The following SMCHD1 variants were observed in gnomAD, a reference collection of about 807,000 sequenced individuals.
SMCHD1 encodes structural maintenance of chromosomes flexible hinge domain-containing protein 1.
Under a neutral mutation model 254.7 loss-of-function variants are expected in SMCHD1, and 78 were observed. The ratio of observed to expected loss-of-function variants is 0.31; its 90% CI spans 0.26 to 0.37. SMCHD1 has a LOEUF of 0.37. Among genes scored for constraint, SMCHD1 ranks in the 10% least tolerant of loss-of-function variants. SMCHD1 has a pLI of 1.00. For synonymous variants in SMCHD1, 766 were observed against 794.9 expected (o/e 0.96, Z 0.61); for missense variants, 1,840 against 2,408.1 (o/e 0.76, Z 4.94).
In SMCHD1 at chr18:2,703,862, A is replaced by C; in HGVS notation, c.1818A>C (p.Gly606=). 4 of 1,606,088 alleles carry C rather than the reference A, an allele frequency of 2.5e-6. No homozygotes were observed. The highest frequency in any genetic ancestry group is 3.4e-6 in the Non-Finnish European group (4 of 1,177,174). ...WATYAAIEWD[G]KIYKAGQLVK... ...CATATGCAGCAATAGAATGGGATGG[A>C]AAGATATACAAAGCAGGACAGCTGG... is the stretch of plus-strand genomic sequence containing the variant. Residue 606 remains glycine (G), a synonymous_variant, in exon 13 of 48, where the codon GGA becomes GGC. Transcript: ENST00000320876.
chr18:2,665,214 A>G (rs576368723), intron 1 of SMCHD1, among the ~76,000 whole-genome samples: 2 of 152,106 alleles, frequency 1.3e-5, no homozygotes, highest in Admixed American at 1.3e-4. Context: ...TTTACAGTTC[A>G]TGTGTTCATT....
rs746793195 is a variant in SMCHD1, at chr18:2,802,496, A to G, written c.5994-32A>G. The G allele has an allele frequency of 3.2e-6, 5 of 1,541,376 alleles. No homozygotes were observed. In the African/African-American group the frequency reaches 4.1e-5, roughly 13 times the overall value. On this transcript the variant is annotated intron_variant, in intron 47 of 47. Transcript: ENST00000320876. ...TTCAGGGAAAGGAAACCTTTGGTAC[A>G]TAAAACTTTTTTTTCTTTCCCCTTT...
chr18:2,742,512 A>G (rs1252137148), intron 28 of SMCHD1, among the ~76,000 whole-genome samples: 1 of 152,216 alleles, frequency 6.6e-6, no homozygotes, highest in Non-Finnish European at 1.5e-5. Context: ...ACTAAGGAAT[A>G]TCTATTTAAT....
intron 17 of SMCHD1, among the ~76,000 whole-genome samples, chr18:2,714,934 T>C (rs181236694): frequency 9.8e-5 from 15 of 152,356 alleles, no homozygotes; most frequent in African/African-American, 2.9e-4. Context: ...TGCCAGTCTC[T>C]ACTAGCTTAT....
intron 47 of SMCHD1, among the ~76,000 whole-genome samples, chr18:2,800,139 T>C (rs8098671): frequency 0.29 from 43,895 of 151,528 alleles, 6,589 homozygotes; most frequent in East Asian, 0.5. Context: ...ACACTTTGGA[T>C]TCAGAGTCAG....
chr18:2,748,380 G>GTGTGCGTGTGTGTA (rs561439889), intron 30 of SMCHD1, among the ~76,000 whole-genome samples: 1 of 80,278 alleles, frequency 1.2e-5, no homozygotes, highest in African/African-American at 6.9e-5. Flanking sequence ...GTGTGTGTGT[G>GTGTGCGTGTGTGTA]TGTATATAAA....
chr18:2,786,874 G>A (rs1358735354), intron 45 of SMCHD1, among the ~76,000 whole-genome samples: 1 of 152,034 alleles, frequency 6.6e-6, no homozygotes, highest in Non-Finnish European at 1.5e-5. Flanking sequence ...TATATGTCTA[G>A]TTTTGTTCAA....
intron 1 of SMCHD1, among the ~76,000 whole-genome samples, chr18:2,663,583 T>A (rs1262134519): frequency 1.3e-5 from 2 of 152,230 alleles, no homozygotes; most frequent in Non-Finnish European, 2.9e-5. Context: ...ACTAGTTGTC[T>A]TAATATCATT....
intron 45 of SMCHD1, among the ~76,000 whole-genome samples, chr18:2,790,147 A>G (rs1189272960): frequency 6.6e-6 from 1 of 152,206 alleles, no homozygotes; most frequent in Non-Finnish European, 1.5e-5. Flanking sequence ...GCGCCACTGC[A>G]CTCCAGCCTG....
intron 7 of SMCHD1, 23 bp from the exon 8 acceptor site, chr18:2,694,504 T>C (rs539562923): frequency 1.5e-5 from 22 of 1,510,936 alleles, no homozygotes; most frequent in Middle Eastern, 1.8e-4. Context: ...TTTAATCTGT[T>C]GTATTTCTGT....
At position 2,656,053 on chromosome 18, in the gene SMCHD1, T is replaced by C; in HGVS notation, c.-23T>C. 7.5e-7 allele frequency: 1 copy of C among 1,336,172 alleles called. No homozygotes were observed. Among genetic ancestry groups the C allele is most frequent in the South Asian group, 2.1e-5 (1 of 47,212 alleles). 82.8% of individuals were successfully genotyped at this position (1,336,172 alleles called of 1,614,324 possible). On this transcript the variant is annotated 5_prime_UTR_variant, in exon 1 of 48. Transcript: ENST00000320876. The stretch of plus-strand genomic sequence containing the variant: ...TGAGCCCGGCGGCGGCAGGCGTCGC[T>C]GTCTTTTCTCCTTTTCCCCAATATG...
chr18:2,703,661 A>G lies in SMCHD1; in HGVS notation c.1648-31A>G, dbSNP rs76103139. On this transcript the variant is annotated intron_variant, in intron 12 of 47. Coordinates refer to ENST00000320876, the MANE Select transcript of SMCHD1 (RefSeq NM_015295.3). ...TGGTTATATTTGTTTGCTAGTAGCT[A>G]TATTTCATAAAACATTTTAAAATTC... 7,106 of 1,552,120 alleles carry G rather than the reference A, an allele frequency of 4.6e-3. 27 individuals carry two copies. Among genetic ancestry groups the G allele is most frequent in the Non-Finnish European group, 4.9e-3 (5,606 of 1,137,936 alleles).
intron 5 of SMCHD1, among the ~76,000 whole-genome samples, chr18:2,685,610 T>C (rs2074034623): frequency 6.6e-6 from 1 of 152,210 alleles, no homozygotes; most frequent in African/African-American, 2.4e-5. Flanking sequence ...AGTAACTCCC[T>C]GTTGCTCCCA....
chr18:2,748,342 T>TTGTGTGTGTGTGTGTGTGTGTGTGTGTG (rs1199860810), intron 30 of SMCHD1, among the ~76,000 whole-genome samples: 2 of 78,458 alleles, frequency 2.5e-5, no homozygotes, highest in African/African-American at 1.1e-4. Context: ...CTTTGCAAAG[T>TTGTGTGTGTGTGTGTGTGTGTGTGTGTG]TGTGTGTGTG....
At chr18:2,788,440 A>G (rs1263906366) in intron 45 of SMCHD1, among the ~76,000 whole-genome samples, 1 of 152,222 alleles carries the variant, frequency 6.6e-6, no homozygotes, top group East Asian at 1.9e-4. Flanking sequence ...TCGTTAGCAC[A>G]TTGAAAAAAG....
chr18:2,707,349 A>G, intron 15 of SMCHD1: 2 of 333,700 alleles, frequency 6.0e-6, no homozygotes, highest in Non-Finnish European at 1.1e-5. Flanking sequence ...TTAATTCCAA[A>G]AGGTTTTTTT....
chr18:2,728,048 T>G (rs2075059767), intron 22 of SMCHD1, among the ~76,000 whole-genome samples: 1 of 152,104 alleles, frequency 6.6e-6, no homozygotes, highest in Non-Finnish European at 1.5e-5. Flanking sequence ...TTACAAGAAC[T>G]AATTCTTTGA....
chr18:2,772,265 G>T lies in SMCHD1; in HGVS notation c.5068G>T (p.Ala1690Ser). ...TAAATTATAGGTGCCACACATTGAA[G>T]CACTTCTGAAAAGAAAGCTATCAGA... Reference protein sequence around the residue: ...PTTQQVPHIEALLKRKLSEQE... With the variant: ...PTTQQVPHIESLLKRKLSEQE... Residue 1690 changes from alanine (A) to serine (S), a missense_variant, in exon 41 of 48, where the codon GCA becomes TCA. This residue lies in a region of SMCHD1 where 881 missense variants were observed against 1,009.5 expected (regional missense o/e 0.87). Transcript: ENST00000320876. 6.3e-7 allele frequency: 1 copy of T among 1,596,394 alleles called. No homozygotes were observed.
In SMCHD1 at chr18:2,666,018, A is replaced by G. The variant is rs2073425250; in HGVS notation, c.187-139A>G. On this transcript the variant is annotated intron_variant, in intron 1 of 47. Coordinates refer to ENST00000320876, the MANE Select transcript of SMCHD1 (RefSeq NM_015295.3). ...TTATGCAAAGGCAAAATTTAGATAT[A>G]CTGAGTTTTGTATTTCCTAGATAAG... 4 of 484,526 alleles carry G rather than the reference A, an allele frequency of 8.3e-6. No homozygotes were observed. In the South Asian group the frequency reaches 1.0e-4, roughly 12 times the overall value. 30.0% of individuals were successfully genotyped at this position (484,526 alleles called of 1,614,324 possible).
Sources: allele counts gnomAD v4.1 joint callset (sites outside exome capture counted in the v4.1 genomes callset), GRCh38; gene constraint gnomAD v4.1.1; regional missense constraint gnomAD v4.1.1; transcripts MANE v1.5; gene names NCBI Gene and HGNC (gene_info 2026-07-23, HGNC 2026-07-21).